Variants in PTPRD observed in about 807,000 individuals in gnomAD.
The protein encoded by PTPRD is receptor-type tyrosine-protein phosphatase delta.
PTPRD carries 34 observed loss-of-function variants against 214.5 expected under a neutral mutation model. The ratio of observed to expected loss-of-function variants is 0.16; its 90% confidence interval spans 0.12 to 0.21. The LOEUF is 0.21. Among genes scored for constraint, PTPRD ranks in the 10% least tolerant of loss-of-function variants. The probability of loss-of-function intolerance (pLI) is 1.00; values close to 1 mark genes in which losing one functional copy is unlikely to be tolerated. For synonymous variants in PTPRD, 1,128 were observed against 845.7 expected (o/e 1.33, Z -5.79); for missense variants, 2,545 against 2,398.7 (o/e 1.06, Z -1.27).
intron 11 of PTPRD, among the ~76,000 whole-genome samples, chr9:8,820,730 C>A (rs1297008291): frequency 6.6e-6 from 1 of 151,224 alleles, no homozygotes; most frequent in African/African-American, 2.4e-5. Context: ...CTACACACCA[C>A]ACACACACAC....
chr9:9,602,904 T>G (rs149364892), intron 7 of PTPRD, among the ~76,000 whole-genome samples: 3 of 152,254 alleles, frequency 2.0e-5, no homozygotes, highest in African/African-American at 2.4e-5. Flanking sequence ...TCTAAATAAT[T>G]TGAATAAGAA....
chr9:10,169,708 C>T (rs2099188602), intron 3 of PTPRD, among the ~76,000 whole-genome samples: 1 of 152,038 alleles, frequency 6.6e-6, no homozygotes, highest in Non-Finnish European at 1.5e-5. Flanking sequence ...GCAGGAAATA[C>T]CAGAACAAAA....
At chr9:10,449,504 T>C (rs1019475605) in intron 2 of PTPRD, among the ~76,000 whole-genome samples, 2 of 145,060 alleles carry the variant, frequency 1.4e-5, no homozygotes, top group Non-Finnish European at 2.9e-5. Flanking sequence ...CTGCCCATCG[T>C]CTGGGATGTG....
intron 9 of PTPRD, among the ~76,000 whole-genome samples, chr9:9,269,079 C>T (rs950326133): frequency 1.1e-4 from 17 of 150,802 alleles, no homozygotes; most frequent in Non-Finnish European, 1.3e-4. Flanking sequence ...AGGAAATCTA[C>T]GGAATGGGAA....
rs76395818 is a variant in PTPRD, at chr9:9,982,965, G to T, written c.-471-44355C>A. On this transcript the variant is annotated intron_variant, in intron 4 of 45. Coordinates refer to ENST00000381196, the MANE Select transcript of PTPRD (RefSeq NM_002839.4). ...TATGGAAAAACAAGGTGATGTGGCG[G>T]AAATCTGGAATACATGCCTGCCTAA... is the stretch of plus-strand genomic sequence containing the variant. Among the ~76,000 whole-genome samples, 1,193 of 151,794 alleles carry T rather than the reference G, an allele frequency of 7.9e-3. 23 individuals are homozygous for T. Among genetic ancestry groups the T allele is most frequent in the African/African-American group, 0.025 (1,035 of 41,368 alleles).
intron 2 of PTPRD, among the ~76,000 whole-genome samples, chr9:10,502,271 G>C (rs1304445033): frequency 6.6e-6 from 1 of 151,662 alleles, no homozygotes; most frequent in South Asian, 2.1e-4. Flanking sequence ...GACTACATTA[G>C]AGAAATTGTA....
At position 10,464,168 on chromosome 9, in the gene PTPRD, C is replaced by T. The variant is rs772225114; in HGVS notation, c.-599-123151G>A. 8.6e-5 allele frequency among the ~76,000 whole-genome samples: 13 copies of T among 151,898 alleles called. No homozygotes were observed. In the South Asian group the frequency reaches 1.7e-3, roughly 19 times the overall value. Reference sequence around the variant, plus strand: ...ATCCCAGCACTCTTGGAAGCTGAGGCGGGTGGATAACTTGAGGTCAGGAGT... The same window carrying T: ...ATCCCAGCACTCTTGGAAGCTGAGGTGGGTGGATAACTTGAGGTCAGGAGT... On this transcript the variant is annotated intron_variant, in intron 2 of 45. Transcript: ENST00000381196.
chr9:10,213,411 G>A (rs1402614515), intron 3 of PTPRD, among the ~76,000 whole-genome samples: 1 of 152,062 alleles, frequency 6.6e-6, no homozygotes, highest in Non-Finnish European at 1.5e-5. Context: ...CTTATAAGAA[G>A]CATCTCTGCC....
chr9:10,501,910 C>T (rs1006096116), intron 2 of PTPRD, among the ~76,000 whole-genome samples: 2 of 151,890 alleles, frequency 1.3e-5, no homozygotes, highest in Admixed American at 6.6e-5. Flanking sequence ...GTCTACGATC[C>T]TATCCCCTGA....
At chr9:9,385,517 G>C (rs2063599393) in intron 9 of PTPRD, among the ~76,000 whole-genome samples, 1 of 152,096 alleles carries the variant, frequency 6.6e-6, no homozygotes, top group Admixed American at 6.6e-5. Context: ...TATATTTTCA[G>C]GAAAGTGTGT....
At chr9:8,436,406 C>A (rs10977101) in intron 35 of PTPRD, among the ~76,000 whole-genome samples, 186 bp downstream of exon 35, 43,348 of 152,004 alleles carry the variant, frequency 0.29, 6,503 homozygotes, top group African/African-American at 0.39. Flanking sequence ...TTAACTTTTT[C>A]AAACTGTAAT....
intron 2 of PTPRD, among the ~76,000 whole-genome samples, chr9:10,572,586 G>A (rs1206191598): frequency 6.6e-6 from 1 of 152,158 alleles, no homozygotes; most frequent in Non-Finnish European, 1.5e-5. Context: ...CATGTAGATG[G>A]GGGAGGAAGA....
intron 3 of PTPRD, among the ~76,000 whole-genome samples, chr9:10,121,475 A>G (rs905951214): frequency 3.9e-5 from 6 of 152,208 alleles, no homozygotes; most frequent in African/African-American, 7.2e-5. Context: ...TGTAGATTCT[A>G]CTACTAACAA....
intron 7 of PTPRD, among the ~76,000 whole-genome samples, chr9:9,579,612 A>G (rs953260653): frequency 6.6e-6 from 1 of 151,944 alleles, no homozygotes; most frequent in African/African-American, 2.4e-5. Context: ...AACAGGCCCT[A>G]GTAAGTGTTG....
At chr9:10,356,974 C>G (rs1435990854) in intron 2 of PTPRD, among the ~76,000 whole-genome samples, 1 of 152,228 alleles carries the variant, frequency 6.6e-6, no homozygotes, top group Middle Eastern at 3.4e-3. Context: ...AGCCACCACG[C>G]CCGGCCCATA....
chr9:10,040,459 T>C (rs902899984), intron 3 of PTPRD, among the ~76,000 whole-genome samples: 1 of 152,056 alleles, frequency 6.6e-6, no homozygotes, highest in African/African-American at 2.4e-5. Context: ...TATAACCTAA[T>C]TGCCACTACC....
chr9:9,473,756 G>C (rs1188325389), intron 8 of PTPRD, among the ~76,000 whole-genome samples: 1 of 150,378 alleles, frequency 6.6e-6, no homozygotes, highest in Non-Finnish European at 1.5e-5. Flanking sequence ...AATATCTGTT[G>C]GTCATGTGTA....
At chr9:10,002,958 T>A (rs1004331917) in intron 4 of PTPRD, among the ~76,000 whole-genome samples, 1 of 151,680 alleles carries the variant, frequency 6.6e-6, no homozygotes, top group African/African-American at 2.4e-5. Flanking sequence ...ATATTTAAAA[T>A]AATTAAAAAT....
intron 8 of PTPRD, among the ~76,000 whole-genome samples, chr9:9,421,819 G>A (rs1339497687): frequency 6.6e-6 from 1 of 152,076 alleles, no homozygotes; most frequent in African/African-American, 2.4e-5. Context: ...TTGGCACATG[G>A]TGTGCACTCA....
Sources: gnomAD v4.1 joint callset for allele counts (sites outside exome capture counted in the v4.1 genomes callset) on GRCh38, gnomAD v4.1.1 for gene constraint, MANE v1.5 for transcripts, NCBI Gene and HGNC (gene_info 2026-07-23, HGNC 2026-07-21) for gene names.